The following WWOX variants were observed in gnomAD, a reference collection of about 807,000 sequenced individuals.
The protein encoded by WWOX is WW domain containing oxidoreductase.
In WWOX, 69 loss-of-function variants were observed where a neutral mutation model predicts 46.2. The observed-to-expected ratio is 1.49, with a 90% CI of 1.23 to 1.82. The LOEUF (loss-of-function observed/expected upper bound fraction) is 1.82, where lower values mean the gene tolerates loss of function less well. WWOX is among the 40% of genes most tolerant of loss of function. The probability of loss-of-function intolerance (pLI) is 0.00; values close to 1 mark genes in which losing one functional copy is unlikely to be tolerated. For missense variants in WWOX, 919 were observed against 542.6 expected (o/e 1.69, Z -6.89); for synonymous variants, 359 against 202.6 (o/e 1.77, Z -6.56).
intron 8 of WWOX, among the ~76,000 whole-genome samples, chr16:79,150,318 C>T (rs1046412623): frequency 6.6e-6 from 1 of 152,182 alleles, no homozygotes; most frequent in East Asian, 1.9e-4. Context: ...TTTCACCTCT[C>T]TGACTCATGC....
chr16:78,492,769 C>T (rs1170750707), intron 8 of WWOX, among the ~76,000 whole-genome samples: 1 of 152,172 alleles, frequency 6.6e-6, no homozygotes, highest in African/African-American at 2.4e-5. Flanking sequence ...ATAATCACAT[C>T]AAGGTGTGTT....
intron 8 of WWOX, among the ~76,000 whole-genome samples, chr16:78,740,949 G>A (rs1444591482): frequency 1.3e-5 from 2 of 152,138 alleles, no homozygotes; most frequent in Non-Finnish European, 2.9e-5. Context: ...ATGTCACATT[G>A]TTGGAGAACT....
chr16:78,710,418 C>T lies in WWOX; in HGVS notation c.1056+277666C>T, dbSNP rs531749815. Among the ~76,000 whole-genome samples, 31 of 138,886 alleles carry T rather than the reference C, an allele frequency of 2.2e-4. No homozygotes were observed. In the South Asian group the frequency reaches 5.0e-3, roughly 22 times the overall value. 91.1% of individuals were successfully genotyped at this position (138,886 alleles called of 152,430 possible). ...ATCTGCTATGCAGCATTGGCCACAC[C>T]AGTGGGATGCAAGAATTTATCCCTT... On this transcript the variant is annotated intron_variant, in intron 8 of 8. Transcript: ENST00000566780.
chr16:78,681,138 A>G (rs904141449), intron 8 of WWOX, among the ~76,000 whole-genome samples: 1 of 152,186 alleles, frequency 6.6e-6, no homozygotes, highest in Non-Finnish European at 1.5e-5. Flanking sequence ...AGTCCCAGCT[A>G]CTTTGGAGGC....
chr16:79,018,982 C>T (rs775590167), intron 8 of WWOX, among the ~76,000 whole-genome samples: 1 of 151,564 alleles, frequency 6.6e-6, no homozygotes, highest in Non-Finnish European at 1.5e-5. Context: ...AAAACCCCAT[C>T]TCTACAAAAA....
At chr16:78,115,537 T>G (rs769126042) in intron 4 of WWOX, among the ~76,000 whole-genome samples, 1 of 152,226 alleles carries the variant, frequency 6.6e-6, no homozygotes, top group African/African-American at 2.4e-5. Flanking sequence ...CAAGGTATTA[T>G]GTCTTTGGAA....
At chr16:78,375,353 G>A (rs2081793899) in intron 5 of WWOX, among the ~76,000 whole-genome samples, 1 of 152,180 alleles carries the variant, frequency 6.6e-6, no homozygotes, top group South Asian at 2.1e-4. Flanking sequence ...AATGGCTTAT[G>A]GTAAGTTGTT....
intron 8 of WWOX, among the ~76,000 whole-genome samples, chr16:78,676,209 G>C (rs748956994): frequency 6.6e-6 from 1 of 151,538 alleles, no homozygotes; most frequent in African/African-American, 2.4e-5. Context: ...TGGATATAAA[G>C]CTACCATCAA....
At chr16:79,078,723 C>G (rs775503434) in intron 8 of WWOX, among the ~76,000 whole-genome samples, 3 of 152,210 alleles carry the variant, frequency 2.0e-5, no homozygotes, top group African/African-American at 7.2e-5. Flanking sequence ...CAGTTTATAG[C>G]CAGATTGGAC....
chr16:78,298,594 C>A (rs1463076457), intron 5 of WWOX, among the ~76,000 whole-genome samples: 1 of 152,080 alleles, frequency 6.6e-6, no homozygotes, highest in Non-Finnish European at 1.5e-5. Context: ...GAGTTCGAGA[C>A]CAGCCTGACC....
chr16:79,034,961 A>T (rs1271883220), intron 8 of WWOX, among the ~76,000 whole-genome samples: 1 of 152,222 alleles, frequency 6.6e-6, no homozygotes, highest in Admixed American at 6.5e-5. Context: ...AGTAAAGGCA[A>T]GTATAAATCA....
intron 8 of WWOX, among the ~76,000 whole-genome samples, chr16:79,052,461 T>C (rs1354949603): frequency 2.6e-5 from 4 of 152,232 alleles, no homozygotes; most frequent in African/African-American, 9.6e-5. Flanking sequence ...TAAATCTTTC[T>C]GCTATAAAGA....
intron 8 of WWOX, among the ~76,000 whole-genome samples, chr16:78,704,206 C>T (rs1177258758): frequency 6.6e-6 from 1 of 151,794 alleles, no homozygotes; most frequent in Non-Finnish European, 1.5e-5. Flanking sequence ...GCCTCAACAT[C>T]TGTCTATAAA....
At chr16:78,964,379 C>T (rs1040130329) in intron 8 of WWOX, among the ~76,000 whole-genome samples, 1 of 152,106 alleles carries the variant, frequency 6.6e-6, no homozygotes, top group Admixed American at 6.5e-5. Flanking sequence ...AATTGGAGCA[C>T]AGGTGACTCT....
chr16:79,002,676 A>G (rs1022655103), intron 8 of WWOX, among the ~76,000 whole-genome samples: 3 of 152,312 alleles, frequency 2.0e-5, no homozygotes, highest in Middle Eastern at 6.8e-3. Context: ...AATCTTCACA[A>G]GCAAACTGGG....
At chr16:79,118,249 G>A (rs1300634105) in intron 8 of WWOX, among the ~76,000 whole-genome samples, 5 of 152,190 alleles carry the variant, frequency 3.3e-5, no homozygotes, top group Non-Finnish European at 7.3e-5. Context: ...GCCCAAGGAG[G>A]GGGAAAGAGA....
chr16:78,944,464 G>C (rs1476493706), intron 8 of WWOX, among the ~76,000 whole-genome samples: 1 of 152,100 alleles, frequency 6.6e-6, no homozygotes, highest in Non-Finnish European at 1.5e-5. Context: ...ATGATACTCT[G>C]AACATCTTCT....
At chr16:79,117,606 A>G (rs1022206664) in intron 8 of WWOX, among the ~76,000 whole-genome samples, 1 of 152,246 alleles carries the variant, frequency 6.6e-6, no homozygotes, top group Non-Finnish European at 1.5e-5. Flanking sequence ...AAAGTCCTAG[A>G]CAGCATCTTC....
At chr16:78,575,051 ATATATATATATATATATAT>A (rs2044835219) in intron 8 of WWOX, among the ~76,000 whole-genome samples, 1 of 12,346 alleles carries the variant, frequency 8.1e-5, no homozygotes, top group Non-Finnish European at 1.6e-4. Context: ...ATATATATAT[ATATATATATATATATATAT>A]ATATATATAT....
Sources: allele counts gnomAD v4.1 joint callset (sites outside exome capture counted in the v4.1 genomes callset), GRCh38; gene constraint gnomAD v4.1.1; transcripts MANE v1.5; gene names NCBI Gene and HGNC (gene_info 2026-07-23, HGNC 2026-07-21).